The following KCTD15 variants were observed in gnomAD, a reference collection of about 807,000 sequenced individuals.
KCTD15 encodes the protein BTB/POZ domain-containing protein KCTD15.
In KCTD15, 11 loss-of-function variants were observed where a neutral mutation model predicts 27.2. The ratio of observed to expected loss-of-function variants is 0.41; its 90% CI spans 0.25 to 0.67. The LOEUF (loss-of-function observed/expected upper bound fraction) is 0.67, where lower values mean the gene tolerates loss of function less well. Among genes scored for constraint, KCTD15 ranks in the 30% least tolerant of loss-of-function variants. The pLI is 0.35. For missense variants in KCTD15, 350 were observed against 409.3 expected, an observed-to-expected ratio of 0.86 and a Z score of 1.25; for synonymous variants, 163 against 176.0, an observed-to-expected ratio of 0.93 and a Z score of 0.58.
Position 33,800,419 on chromosome 19 carries a change from C to T in KCTD15, c.-27-9C>T. ...AAGCCTTCTCTGGTTTTGTCGATGCCTCCCGCAGATACTCTGGGCAGGGAT... is the reference window on the plus strand; with the variant it reads ...AAGCCTTCTCTGGTTTTGTCGATGCTTCCCGCAGATACTCTGGGCAGGGAT... On this transcript the variant is annotated splice_polypyrimidine_tract_variant and intron_variant, in intron 2 of 6. Coordinates refer to ENST00000683859, the MANE Select transcript of KCTD15 (RefSeq NM_001129994.2). 6.3e-7 allele frequency: 1 copy of T among 1,584,552 alleles called. No homozygotes were observed.
intron 4 of KCTD15, among the ~76,000 whole-genome samples, chr19:33,806,514 C>T (rs1975716973): frequency 6.6e-6 from 1 of 152,086 alleles, no homozygotes. Context: ...TGCACCAGGC[C>T]TGTGACCAGC....
chr19:33,799,177 A>C (rs763267041), intron 2 of KCTD15, among the ~76,000 whole-genome samples: 2 of 152,128 alleles, frequency 1.3e-5, no homozygotes, highest in Non-Finnish European at 2.9e-5. Context: ...TGCCCATTGC[A>C]ACCTCCCACC....
upstream of KCTD15, chr19:33,795,973 G>A (rs368024795): frequency 1.3e-5 from 2 of 152,072 alleles, no homozygotes; most frequent in East Asian, 1.9e-4. Context: ...AGCGGGGGAG[G>A]GGCGGCCTGG....
intron 1 of KCTD15, among the ~76,000 whole-genome samples, chr19:33,798,031 G>A (rs1168899948): frequency 6.6e-6 from 1 of 152,000 alleles, no homozygotes; most frequent in Admixed American, 6.5e-5. Flanking sequence ...CTTGGCCCAA[G>A]CCCTCTCCCG....
rs975012410 is a variant in KCTD15, at chr19:33,813,074, A to C, written c.*126A>C. The C allele has an allele frequency of 4.2e-6, 4 of 962,260 alleles. No homozygotes were observed. The highest frequency in any genetic ancestry group is 6.2e-6 in the Non-Finnish European group (4 of 640,062). The allele number at this position is 962,260 out of a possible 1,614,324, so 59.6% of individuals were successfully genotyped here. On this transcript the variant is annotated 3_prime_UTR_variant, in exon 7 of 7. Coordinates refer to ENST00000683859, the MANE Select transcript of KCTD15 (RefSeq NM_001129994.2). ...AGGCTGGAGGGTCCAAAGCTGGCCC[A>C]GCGAGCACCAGGGTCCCAGGTGTCA...
intron 4 of KCTD15, 58 bp from the exon 5 acceptor site, chr19:33,806,805 A>G: frequency 1.3e-6 from 2 of 1,584,544 alleles, no homozygotes; most frequent in South Asian, 2.3e-5. Flanking sequence ...GGGGTGTGGG[A>G]AGACAGGCAG....
chr19:33,798,092 G>C (rs184576069), intron 1 of KCTD15, among the ~76,000 whole-genome samples: 17,077 of 152,018 alleles, frequency 0.11, 1,156 homozygotes, highest in Non-Finnish European at 0.15. Context: ...AGGCGGGAGG[G>C]GGGGGGTGGG....
Position 33,811,490 on chromosome 19 carries a change from C to G in KCTD15, c.631C>G (p.Gln211Glu). The change falls in exon 6 of 7, where the codon CAG (glutamine) becomes GAG (glutamate). Residue 211 changes from glutamine to glutamate, a missense_variant. Coordinates refer to ENST00000683859, the MANE Select transcript of KCTD15 (RefSeq NM_001129994.2). ...MCNSVNAGWN[Q>E]DPTHVIRFPL... ...CAACTCCGTCAACGCCGGCTGGAACCAGGACCCCACGCACGTCATCCGCTT... is the reference window on the plus strand; with the variant it reads ...CAACTCCGTCAACGCCGGCTGGAACGAGGACCCCACGCACGTCATCCGCTT... The G allele has an allele frequency of 2.5e-6, 4 of 1,612,558 alleles. No homozygotes were observed. Among genetic ancestry groups the G allele is most frequent in the Non-Finnish European group, 3.4e-6 (4 of 1,179,464 alleles).
upstream of KCTD15, among the ~76,000 whole-genome samples, chr19:33,795,373 C>CA (rs1479258767): frequency 6.6e-6 from 1 of 152,162 alleles, no homozygotes; most frequent in Non-Finnish European, 1.5e-5. Context: ...AAGCCCCCCC[C>CA]ACTTCACCTT....
intron 6 of KCTD15, 33 bp from the exon 7 acceptor site, chr19:33,812,757 T>C: frequency 7.1e-7 from 1 of 1,407,340 alleles, no homozygotes; most frequent in Non-Finnish European, 9.3e-7. Flanking sequence ...TCTTGCAGCT[T>C]GGCCTTGATG....
At chr19:33,796,413 G>T (rs1487760159), upstream of KCTD15, 1 of 150,418 alleles carries the variant, frequency 6.6e-6, no homozygotes, top group Non-Finnish European at 1.5e-5. Flanking sequence ...GGGAAACGGC[G>T]CGTTTTTGTC....
At chr19:33,796,736 AGAGGGGAGGAGGC>A (rs1307304658), upstream of KCTD15, 1 of 121,242 alleles carries the variant, frequency 8.2e-6, no homozygotes, top group Non-Finnish European at 1.7e-5. Context: ...GCGGCCGCGA[AGAGGGGAGGAGGC>A]GAGGGGAGGG....
intron 5 of KCTD15, among the ~76,000 whole-genome samples, chr19:33,808,793 T>C (rs1201926101): frequency 6.6e-6 from 1 of 152,072 alleles, no homozygotes; most frequent in Non-Finnish European, 1.5e-5. Context: ...GTGGAGGCTT[T>C]GGATGGACCA....
chr19:33,800,729 G>A (rs1391110594), intron 3 of KCTD15, among the ~76,000 whole-genome samples: 2 of 152,194 alleles, frequency 1.3e-5, no homozygotes, highest in Non-Finnish European at 2.9e-5. Context: ...TAGGTGCTGA[G>A]GAAGTCACTA....
intron 5 of KCTD15, among the ~76,000 whole-genome samples, chr19:33,810,864 G>A (rs1204149998): frequency 6.6e-6 from 1 of 151,882 alleles, no homozygotes; most frequent in Non-Finnish European, 1.5e-5. Context: ...CCTGTGCCCA[G>A]CATGATCTCT....
intron 5 of KCTD15, among the ~76,000 whole-genome samples, chr19:33,809,645 A>AGG (rs1395048491): frequency 1.3e-5 from 2 of 152,162 alleles, no homozygotes; most frequent in Non-Finnish European, 2.9e-5. Context: ...GCCAAGCAGG[A>AGG]GGATCATTTG....
At chr19:33,799,905 G>A (rs943826852) in intron 2 of KCTD15, among the ~76,000 whole-genome samples, 5 of 152,220 alleles carry the variant, frequency 3.3e-5, no homozygotes, top group Middle Eastern at 3.4e-3. Context: ...TCTGCTGAAC[G>A]GCTTCCCTGT....
upstream of KCTD15, among the ~76,000 whole-genome samples, chr19:33,794,883 G>A (rs978432751): frequency 2.6e-5 from 4 of 152,242 alleles, no homozygotes; most frequent in East Asian, 5.8e-4. Flanking sequence ...GGGCCGGGCC[G>A]GGCCTGGCCA....
rs1254268598 is a variant in KCTD15 at position 33,801,262 on chromosome 19, C to A, written c.162C>A (p.Ser54=). The A allele has an allele frequency of 1.2e-6, 2 of 1,613,762 alleles. No individual in the cohort carries two copies. Among genetic ancestry groups the A allele is most frequent in the Admixed American group, 3.3e-5 (2 of 59,998 alleles). ...GIPLPAQLTK[S]NAPVHIDVGG... Reference sequence around the variant, plus strand: ...CCCTGCCAGCCCAGCTCACCAAGTCCAATGCACCTGTGCACATCGATGTGG... The same window carrying A: ...CCCTGCCAGCCCAGCTCACCAAGTCAAATGCACCTGTGCACATCGATGTGG... Residue 54 remains serine, a synonymous_variant, in exon 4 of 7, where the codon TCC becomes TCA. Transcript: ENST00000683859.
Sources: gnomAD v4.1 joint callset for allele counts (sites outside exome capture counted in the v4.1 genomes callset) on GRCh38, gnomAD v4.1.1 for gene constraint, MANE v1.5 for transcripts, NCBI Gene and HGNC (gene_info 2026-07-23, HGNC 2026-07-21) for gene names.